RNF32: variants seen among roughly 807,000 people sequenced by gnomAD.
The protein encoded by RNF32 is ring finger protein 32.
RNF32 carries 36 observed loss-of-function variants against 41.0 expected under a neutral mutation model. That is an observed-to-expected ratio of 0.88 (90% CI 0.67 to 1.16). The LOEUF (loss-of-function observed/expected upper bound fraction) is 1.16. Ranked by LOEUF, RNF32 falls within the 50% of genes most tolerant of loss-of-function variation. The pLI is 0.00. For synonymous variants in RNF32, 154 were observed against 160.9 expected (o/e 0.96, Z 0.32); for missense variants, 413 against 436.7 (o/e 0.95, Z 0.48).
chr7:156,654,376 T>C, intron 3 of RNF32, 200 bp from the exon 4 acceptor site: 1 of 486,078 alleles, frequency 2.1e-6, no homozygotes. Flanking sequence ...CACCATCTTC[T>C]ATCAGGGACT....
intron 7 of RNF32, among the ~76,000 whole-genome samples, chr7:156,665,448 A>G (rs1470380127): frequency 6.6e-6 from 1 of 152,232 alleles, no homozygotes; most frequent in Non-Finnish European, 1.5e-5. Context: ...TGAATATGGC[A>G]AATTCTTAAT....
chr7:156,659,217 T>C (rs1229682061), intron 7 of RNF32: 2 of 1,117,462 alleles, frequency 1.8e-6, no homozygotes, highest in Non-Finnish European at 2.2e-6. Flanking sequence ...CCATCACTTC[T>C]TCCTGGCAGT....
At chr7:156,653,309 G>A (rs985712997) in intron 3 of RNF32, among the ~76,000 whole-genome samples, 6 of 152,168 alleles carry the variant, frequency 3.9e-5, no homozygotes, top group Non-Finnish European at 5.9e-5. Flanking sequence ...CAGCTGTACC[G>A]TGTAGCTTTG....
Position 156,675,830 on chromosome 7 carries a change from C to G in RNF32, c.819C>G (p.Ile273Met), listed in dbSNP as rs1364429196. 6.2e-7 allele frequency: 1 copy of G among 1,614,082 alleles called. No individual in the cohort carries two copies. Among genetic ancestry groups the G allele is most frequent in the Admixed American group, 1.7e-5 (1 of 60,028 alleles). ...TGGAAGAAAAATGTGGCCATGAGAT[C>G]ACAGAAGAGGAATGGGAGAAAATCC... Reference protein sequence around the residue: ...QQLEEKCGHEITEEEWEKIQV... With the variant: ...QQLEEKCGHEMTEEEWEKIQV... The change falls in exon 8 of 9, where the codon ATC becomes ATG. Residue 273 changes from isoleucine (I) to methionine (M), a missense_variant. Transcript: ENST00000317955.
intron 3 of RNF32, among the ~76,000 whole-genome samples, chr7:156,648,358 G>T (rs1338649653): frequency 6.6e-6 from 1 of 152,110 alleles, no homozygotes; most frequent in Non-Finnish European, 1.5e-5. Flanking sequence ...CAAGCTCGAT[G>T]TCTTCTAGAA....
At position 156,676,801 on chromosome 7, in the gene RNF32, T is replaced by C. The variant is rs903484091; in HGVS notation, c.*146T>C. On this transcript the variant is annotated 3_prime_UTR_variant, in exon 9 of 9. Coordinates refer to ENST00000317955, the MANE Select transcript of RNF32 (RefSeq NM_030936.4). ...TTGGTAGTTGTAGGAAATCTTAGTA[T>C]ATTTTAAAAGCTGACATCCCACCTA... 1.9e-5 allele frequency: 12 copies of C among 639,416 alleles called. No individual in the cohort carries two copies. Among genetic ancestry groups the C allele is most frequent in the Admixed American group, 1.7e-4 (6 of 34,612 alleles). The allele number at this position is 639,416 out of a possible 1,614,324, so 39.6% of individuals were successfully genotyped here.
At chr7:156,673,486 C>T (rs1004754470) in intron 7 of RNF32, among the ~76,000 whole-genome samples, 1 of 152,074 alleles carries the variant, frequency 6.6e-6, no homozygotes, top group Non-Finnish European at 1.5e-5. Context: ...ATTCAAGACC[C>T]TAAATTAAGA....
At chr7:156,671,172 A>T (rs961155166) in intron 7 of RNF32, among the ~76,000 whole-genome samples, 1 of 152,248 alleles carries the variant, frequency 6.6e-6, no homozygotes, top group Admixed American at 6.5e-5. Flanking sequence ...AATTGAAAAG[A>T]GCAAAAATTA....
intron 7 of RNF32, 53 bp downstream of exon 7, chr7:156,658,623 C>T: frequency 8.2e-7 from 1 of 1,225,522 alleles, no homozygotes; most frequent in Non-Finnish European, 1.2e-6. Context: ...GGGTGGTTCA[C>T]TTGGGGTCAG....
intron 3 of RNF32, among the ~76,000 whole-genome samples, chr7:156,651,954 C>A (rs945004091): frequency 6.6e-6 from 1 of 152,178 alleles, no homozygotes; most frequent in African/African-American, 2.4e-5. Flanking sequence ...ATCCCGGGAC[C>A]CTGGGCTCTC....
chr7:156,663,332 CA>C (rs1800908116), intron 7 of RNF32, among the ~76,000 whole-genome samples: 1 of 152,288 alleles, frequency 6.6e-6, no homozygotes, highest in Non-Finnish European at 1.5e-5. Flanking sequence ...TGTGTGTGCA[CA>C]TATGTGTATA....
At chr7:156,664,322 G>A (rs533882542) in intron 7 of RNF32, among the ~76,000 whole-genome samples, 1 of 152,124 alleles carries the variant, frequency 6.6e-6, no homozygotes, top group Non-Finnish European at 1.5e-5. Context: ...TTAGCCGGGC[G>A]TGGTGGCGCA....
At chr7:156,671,252 C>T (rs1256387893) in intron 7 of RNF32, among the ~76,000 whole-genome samples, 1 of 152,180 alleles carries the variant, frequency 6.6e-6, no homozygotes, top group African/African-American at 2.4e-5. Flanking sequence ...AGTAACAACA[C>T]AAAGCGGACT....
At position 156,675,874 on chromosome 7, in the gene RNF32, C is replaced by T. The variant is rs1387805475; in HGVS notation, c.852+11C>T. On this transcript the variant is annotated intron_variant, in intron 8 of 8. Transcript: ENST00000317955. ...AAAATCCAAGTGCAGGTAGGTTTGG[C>T]TGGCAGCCTGGCAACCAGCAGACTC... The T allele has an allele frequency of 1.2e-6, 2 of 1,608,538 alleles. No homozygotes were observed. The highest frequency in any genetic ancestry group is 1.7e-6 in the Non-Finnish European group (2 of 1,176,530).
At chr7:156,674,971 T>A (rs1295108036) in intron 7 of RNF32, among the ~76,000 whole-genome samples, 3 of 152,150 alleles carry the variant, frequency 2.0e-5, no homozygotes, top group Admixed American at 6.5e-5. Context: ...AGGGAAACAA[T>A]ATACCCTTTT....
intron 1 of RNF32, 144 bp downstream of exon 1, chr7:156,640,955 G>C (rs893170186): frequency 1.7e-5 from 3 of 177,844 alleles, no homozygotes; most frequent in Non-Finnish European, 3.6e-5. Flanking sequence ...TGTGAGGCGA[G>C]GTCGGGTCCC....
intron 1 of RNF32, chr7:156,641,096 C>T (rs2061351742): frequency 6.6e-6 from 1 of 152,372 alleles, no homozygotes; most frequent in African/African-American, 2.4e-5. Context: ...AATTTTAGAA[C>T]CCGGTAGGAC....
At chr7:156,668,178 A>T (rs777652232) in intron 7 of RNF32, among the ~76,000 whole-genome samples, 14 of 152,148 alleles carry the variant, frequency 9.2e-5, no homozygotes, top group Non-Finnish European at 1.9e-4. Context: ...ACACAGGAAA[A>T]AGTTAACACT....
chr7:156,658,726 TTTAGTTGGC>T, intron 7 of RNF32, 156 bp downstream of exon 7: 1 of 764,768 alleles, frequency 1.3e-6, no homozygotes, highest in Non-Finnish European at 2.1e-6. Context: ...CCTGTTTAAC[TTTAGTTGGC>T]TTTCCAACCT....
Sources: gnomAD v4.1 joint callset for allele counts (sites outside exome capture counted in the v4.1 genomes callset) on GRCh38, gnomAD v4.1.1 for gene constraint, MANE v1.5 for transcripts, NCBI Gene and HGNC (gene_info 2026-07-23, HGNC 2026-07-21) for gene names.